Variants in PCDHGB4 observed in about 807,000 individuals in gnomAD.
PCDHGB4 encodes protocadherin gamma-B4.
In PCDHGB4, 38 loss-of-function variants were observed where a neutral mutation model predicts 60.5. The ratio of observed to expected loss-of-function variants is 0.63; its 90% CI spans 0.48 to 0.82. The LOEUF (loss-of-function observed/expected upper bound fraction) is 0.82, where lower values mean the gene tolerates loss of function less well. Ranked by LOEUF, PCDHGB4 falls within the 40% of genes least tolerant of loss-of-function variation. The probability of loss-of-function intolerance (pLI) is 0.00; values close to 1 mark genes in which losing one functional copy is unlikely to be tolerated. For synonymous variants in PCDHGB4, 456 were observed against 509.7 expected (o/e 0.89, Z 1.42); for missense variants, 1,109 against 1,209.6 (o/e 0.92, Z 1.23).
At position 141,418,522 on chromosome 5, in the gene PCDHGB4, C is replaced by T. The variant is rs751177053; in HGVS notation, c.2397+28241C>T. The T allele has an allele frequency of 1.5e-5, 24 of 1,613,884 alleles. No individual in the cohort carries two copies. The African/African-American group carries it at 2.7e-4, about 18-fold the overall frequency. ...CCGCCTTAGATGGTGGGGACCCTCC[C>T]CGAAGCGGTACTGCTCAGATAAGAA... is the stretch of plus-strand genomic sequence containing the variant. On this transcript the variant is annotated intron_variant, in intron 1 of 3. Transcript: ENST00000519479.
chr5:141,490,033 A>C lies in PCDHGB4; in HGVS notation c.2398-4774A>C, dbSNP rs200482631. The C allele has an allele frequency of 4.0e-5, 65 of 1,614,116 alleles. No homozygotes were observed. Among genetic ancestry groups the C allele is most frequent in the Non-Finnish European group, 4.1e-5 (48 of 1,180,040 alleles). On this transcript the variant is annotated intron_variant, in intron 1 of 3. Transcript: ENST00000519479. This position sits in a 1 kb window ranked among gnomAD's most constrained non-coding sequence, Gnocchi z 5.4. ...CATTGGTACTCTGCTGCTCCGCCTC[A>C]ATGCCACTGATCCAGACGAGGGCAC...
intron 1 of PCDHGB4, chr5:141,393,816 A>T: frequency 6.2e-7 from 1 of 1,613,988 alleles, no homozygotes; most frequent in South Asian, 1.1e-5. Context: ...CAAATTGCTC[A>T]TTTCGGTGGA....
chr5:141,434,517 G>A (rs1476955199), intron 1 of PCDHGB4, among the ~76,000 whole-genome samples: 1 of 152,212 alleles, frequency 6.6e-6, no homozygotes, highest in East Asian at 1.9e-4. Context: ...GCTTAAAGGT[G>A]TTCTTAAACC....
chr5:141,449,854 T>C (rs769118919), intron 1 of PCDHGB4, among the ~76,000 whole-genome samples: 7 of 151,974 alleles, frequency 4.6e-5, no homozygotes, highest in South Asian at 4.1e-4. Context: ...ATTTTAATAA[T>C]AAAAATCAGA....
At chr5:141,430,603 C>A in intron 1 of PCDHGB4, 1 of 632,906 alleles carries the variant, frequency 1.6e-6, no homozygotes, top group Non-Finnish European at 2.5e-6. Context: ...GCGCCTGAAG[C>A]ACAAAGCAGA....
intron 1 of PCDHGB4, chr5:141,418,495 G>T (rs745982190): frequency 6.2e-7 from 1 of 1,613,974 alleles, no homozygotes; most frequent in South Asian, 1.1e-5. Context: ...ACTTGGTACT[G>T]ACCGCCTTAG....
chr5:141,422,479 A>G, intron 1 of PCDHGB4: 1 of 1,613,890 alleles, frequency 6.2e-7, no homozygotes, highest in Non-Finnish European at 8.5e-7. Flanking sequence ...GTTGGTCCAG[A>G]GCTACAATAT....
chr5:141,419,645 G>T, intron 1 of PCDHGB4: 1 of 1,612,478 alleles, frequency 6.2e-7, no homozygotes, highest in African/African-American at 1.3e-5. Context: ...GGCCGTGGAC[G>T]CGGACTCGGG....
chr5:141,395,447 G>A, intron 1 of PCDHGB4: 1 of 645,042 alleles, frequency 1.6e-6, no homozygotes, highest in Admixed American at 3.5e-5. Context: ...GGAAAAGATT[G>A]TTCAACCATT....
intron 1 of PCDHGB4, chr5:141,405,200 C>T (rs1458944760): frequency 2.5e-6 from 4 of 1,613,508 alleles, no homozygotes; most frequent in Non-Finnish European, 3.4e-6. Flanking sequence ...TCGAGCTTTC[C>T]TACAGACCTA....
chr5:141,475,013 G>T (rs950376592), intron 1 of PCDHGB4, among the ~76,000 whole-genome samples: 1 of 152,176 alleles, frequency 6.6e-6, no homozygotes, highest in African/African-American at 2.4e-5. Context: ...AAAAGTTAAG[G>T]CTCTTTATTC....
rs369886570 is a variant in PCDHGB4 at position 141,487,839 on chromosome 5, G to A, written c.2398-6968G>A. ...GGGGGCGGGTCATGCCTATATCTGAGTAAGAAATGAAAGTAATTGGTGATC... is the reference window on the plus strand; with the variant it reads ...GGGGGCGGGTCATGCCTATATCTGAATAAGAAATGAAAGTAATTGGTGATC... On this transcript the variant is annotated intron_variant, in intron 1 of 3. Transcript: ENST00000519479. The surrounding 1 kb of genome is among the most constrained non-coding windows in gnomAD (Gnocchi z 5.0). The A allele has an allele frequency of 2.7e-6, 3 of 1,103,412 alleles. No homozygotes were observed. Among genetic ancestry groups the A allele is most frequent in the African/African-American group, 1.6e-5 (1 of 63,054 alleles). The allele number at this position is 1,103,412 out of a possible 1,614,324, so 68.4% of individuals were successfully genotyped here.
At chr5:141,426,096 T>C (rs1296875718) in intron 1 of PCDHGB4, among the ~76,000 whole-genome samples, 6 of 152,230 alleles carry the variant, frequency 3.9e-5, no homozygotes, top group Non-Finnish European at 8.8e-5. Flanking sequence ...GATATTCTGT[T>C]CAGTCACAGA....
In PCDHGB4 at chr5:141,485,269, C is replaced by T. The variant is rs760197007; in HGVS notation, c.2398-9538C>T. The T allele has an allele frequency of 6.2e-7, 1 of 1,614,090 alleles. No homozygotes were observed. Among genetic ancestry groups the T allele is most frequent in the Admixed American group, 1.7e-5 (1 of 60,028 alleles). On this transcript the variant is annotated intron_variant, in intron 1 of 3. Transcript: ENST00000519479. The surrounding 1 kb of genome is among the most constrained non-coding windows in gnomAD (Gnocchi z 5.7). ...TGGGTTACGTTTGTGGGCAGATCCG[C>T]TACCCGGTCCCAGAGGAGTCACAGG... is the stretch of plus-strand genomic sequence containing the variant.
intron 1 of PCDHGB4, chr5:141,471,339 C>G (rs537413312): frequency 2.6e-5 from 4 of 152,366 alleles, no homozygotes; most frequent in Admixed American, 2.6e-4. Context: ...GTATGATCCA[C>G]TGCGCCCGGC....
Position 141,490,109 on chromosome 5 carries a change from G to A in PCDHGB4, c.2398-4698G>A, listed in dbSNP as rs775286436. The A allele has an allele frequency of 3.4e-5, 55 of 1,614,114 alleles. No homozygotes were observed. Among genetic ancestry groups the A allele is most frequent in the African/African-American group, 8.0e-5 (6 of 74,940 alleles). ...GGAGACCACACATCTGAGGCAGTGC[G>A]GAACCTCTTTGGCCTAGACCCTAGC... On this transcript the variant is annotated intron_variant, in intron 1 of 3. Coordinates refer to ENST00000519479, the MANE Select transcript of PCDHGB4 (RefSeq NM_003736.4). This position sits in a 1 kb window ranked among gnomAD's most constrained non-coding sequence, Gnocchi z 5.4.
At chr5:141,394,800 G>A in intron 1 of PCDHGB4, 1 of 1,613,850 alleles carries the variant, frequency 6.2e-7, no homozygotes, top group East Asian at 2.2e-5. Context: ...GCTCACCGTA[G>A]CCGTGGCTGA....
intron 1 of PCDHGB4, 108 bp from the exon 2 acceptor site, chr5:141,494,699 T>G: frequency 6.3e-7 from 1 of 1,592,240 alleles, no homozygotes; most frequent in East Asian, 2.3e-5. Context: ...GTCCGTTTTC[T>G]TCTCTGTGCC....
In PCDHGB4 at chr5:141,491,759, G is replaced by C. The variant is rs746395685; in HGVS notation, c.2398-3048G>C. 3 of 1,575,392 alleles carry C rather than the reference G, an allele frequency of 1.9e-6. No individual in the cohort carries two copies. Among genetic ancestry groups the C allele is most frequent in the Non-Finnish European group, 2.6e-6 (3 of 1,161,808 alleles). ...GGGGGCGGCACTGGAGAAGCCGCCC[G>C]TCCTCATAAGGGATTGAACTTGCAT... On this transcript the variant is annotated intron_variant, in intron 1 of 3. Coordinates refer to ENST00000519479, the MANE Select transcript of PCDHGB4 (RefSeq NM_003736.4). The surrounding 1 kb of genome is among the most constrained non-coding windows in gnomAD (Gnocchi z 6.9).
Sources: allele counts gnomAD v4.1 joint callset (sites outside exome capture counted in the v4.1 genomes callset), GRCh38; gene constraint gnomAD v4.1.1; non-coding constraint Gnocchi (gnomAD v3.1); transcripts MANE v1.5; gene names NCBI Gene and HGNC (gene_info 2026-07-23, HGNC 2026-07-21).